CPEB3: variants seen among roughly 807,000 people sequenced by gnomAD.
CPEB3 encodes the protein cytoplasmic polyadenylation element binding protein 3.
A neutral mutation model predicts 67.2 loss-of-function variants in CPEB3; 20 were observed. That is an observed-to-expected ratio of 0.30 (90% CI 0.21 to 0.43). The LOEUF (loss-of-function observed/expected upper bound fraction) is 0.43, where lower values mean the gene tolerates loss of function less well. CPEB3 is among the 20% of genes least tolerant of loss of function. CPEB3 has a pLI of 1.00. For missense variants in CPEB3, 746 were observed against 968.6 expected, an observed-to-expected ratio of 0.77 and a Z score of 3.05; for synonymous variants, 376 against 393.1, an observed-to-expected ratio of 0.96 and a Z score of 0.51.
At chr10:92,102,221 C>G (rs1205639662) in intron 7 of CPEB3, among the ~76,000 whole-genome samples, 1 of 152,160 alleles carries the variant, frequency 6.6e-6, no homozygotes, top group Non-Finnish European at 1.5e-5. Context: ...CTTAGTAAGA[C>G]TATATCCTGG....
intron 2 of CPEB3, among the ~76,000 whole-genome samples, chr10:92,201,295 A>T (rs1849512843): frequency 6.6e-6 from 1 of 152,154 alleles, no homozygotes; most frequent in Non-Finnish European, 1.5e-5. Context: ...TGGGAGGCCG[A>T]GGCGGGCGGA....
chr10:92,206,542 A>G (rs1185840223), intron 2 of CPEB3, among the ~76,000 whole-genome samples: 1 of 151,894 alleles, frequency 6.6e-6, no homozygotes, highest in Non-Finnish European at 1.5e-5. Context: ...CATCCTCTCA[A>G]ATACTAGGAC....
intron 7 of CPEB3, among the ~76,000 whole-genome samples, chr10:92,109,022 T>A (rs1844603821): frequency 6.6e-6 from 1 of 152,238 alleles, no homozygotes. Flanking sequence ...ATATAAACTC[T>A]GCGTGTTCAT....
chr10:92,195,121 C>G lies in CPEB3; in HGVS notation c.1006-2485G>C, dbSNP rs781248411. Among the ~76,000 whole-genome samples, 201 of 150,942 alleles carry G rather than the reference C, an allele frequency of 1.3e-3. 4 individuals are homozygous for G. The highest frequency in any genetic ancestry group is 4.0e-4 in the Non-Finnish European group (27 of 67,840). ...ACTAAGTTAATACTAAAGAACAGAT[C>G]AAGTTTGCTTTGGTTAAGAAAAGCA... is the stretch of plus-strand genomic sequence containing the variant. On this transcript the variant is annotated intron_variant, in intron 2 of 9. Coordinates refer to ENST00000265997, the MANE Select transcript of CPEB3 (RefSeq NM_014912.5).
chr10:92,219,119 G>A (rs928037863), intron 2 of CPEB3, among the ~76,000 whole-genome samples: 7 of 152,018 alleles, frequency 4.6e-5, no homozygotes, highest in Non-Finnish European at 8.8e-5. Context: ...TAAAAGATTC[G>A]GTTTTGAACT....
At chr10:92,108,711 T>C (rs1844588398) in intron 7 of CPEB3, among the ~76,000 whole-genome samples, 2 of 152,150 alleles carry the variant, frequency 1.3e-5, no homozygotes, top group African/African-American at 4.8e-5. Context: ...GCTCAGAAAA[T>C]GAAAACTGTA....
In CPEB3 at chr10:92,224,867, A is replaced by G. The variant is rs1302633465; in HGVS notation, c.1005+14479T>C. 2.7e-5 allele frequency among the ~76,000 whole-genome samples: 4 copies of G among 147,624 alleles called. No individual in the cohort carries two copies. The East Asian group carries it at 7.8e-4, about 29-fold the overall frequency. ...TGACTTCTTAAAAAAAACTATATAT[A>G]TATAACTTTATATATATATAAATTT... On this transcript the variant is annotated intron_variant, in intron 2 of 9. Coordinates refer to ENST00000265997, the MANE Select transcript of CPEB3 (RefSeq NM_014912.5).
intron 2 of CPEB3, among the ~76,000 whole-genome samples, chr10:92,220,535 T>C (rs1027544429): frequency 4.4e-5 from 6 of 137,340 alleles, no homozygotes; most frequent in Admixed American, 7.3e-5. Flanking sequence ...ATGAGCACTA[T>C]GGCAATGAAG....
At chr10:92,261,853 T>C (rs1218824617) in intron 1 of CPEB3, among the ~76,000 whole-genome samples, 2 of 152,190 alleles carry the variant, frequency 1.3e-5, no homozygotes, top group Non-Finnish European at 2.9e-5. Context: ...GGCTCAGATA[T>C]GTTACAAGAC....
chr10:92,274,130 G>A (rs965504143), intron 1 of CPEB3, among the ~76,000 whole-genome samples: 3 of 152,044 alleles, frequency 2.0e-5, no homozygotes, highest in South Asian at 2.1e-4. Context: ...TCCAATGTTC[G>A]ATTTTCTCAT....
chr10:92,135,116 T>A (rs1846029907), intron 6 of CPEB3, among the ~76,000 whole-genome samples: 1 of 152,172 alleles, frequency 6.6e-6, no homozygotes, highest in Non-Finnish European at 1.5e-5. Context: ...AAGGACGTCA[T>A]GACTAAAACA....
chr10:92,072,751 C>T (rs1375756445), intron 9 of CPEB3, among the ~76,000 whole-genome samples: 1 of 152,138 alleles, frequency 6.6e-6, no homozygotes, highest in African/African-American at 2.4e-5. Context: ...GATGTATCCC[C>T]CACTTACATA....
Position 92,239,631 on chromosome 10 carries a change from G to GGACGAGGCC in CPEB3, c.711_719dup (p.Ala238_Ser240dup), listed in dbSNP as rs1564897955. 2 of 1,559,400 alleles carry GGACGAGGCC rather than the reference G, an allele frequency of 1.3e-6. No homozygotes were observed. Among genetic ancestry groups the GGACGAGGCC allele is most frequent in the Non-Finnish European group, 1.7e-6 (2 of 1,152,076 alleles). ...TCACGCTTTGGTGCGTGTTCCAGCT[G>GGACGAGGCC]GACGAGGCCGACGAGGCGGCGGCTG... On this transcript the variant is annotated inframe_insertion, in exon 2 of 10. Coordinates refer to ENST00000265997, the MANE Select transcript of CPEB3 (RefSeq NM_014912.5). This position sits in a 1 kb window ranked among gnomAD's most constrained non-coding sequence, Gnocchi z 6.0.
intron 3 of CPEB3, among the ~76,000 whole-genome samples, chr10:92,182,761 G>A (rs1238846596): frequency 6.6e-6 from 1 of 151,276 alleles, no homozygotes; most frequent in Non-Finnish European, 1.5e-5. Context: ...GGAATGTGGA[G>A]GTTGCAGTGA....
Position 92,143,042 on chromosome 10 carries a change from A to G in CPEB3, c.1440T>C (p.Tyr480=), listed in dbSNP as rs780349029. 3 of 1,613,088 alleles carry G rather than the reference A, an allele frequency of 1.9e-6. No homozygotes were observed. The highest frequency in any genetic ancestry group is 2.2e-5 in the East Asian group (1 of 44,834). The change falls in exon 6 of 10, where the codon TAT becomes TAC. Residue 480 remains tyrosine, a synonymous_variant. Coordinates refer to ENST00000265997, the MANE Select transcript of CPEB3 (RefSeq NM_014912.5). ...TAAGAGCATTACCTTTAGGAGGAAA[A>G]TAAGACTTGCTTTCAGCTTTGTGAG... The part of the protein sequence containing the change: ...DWPHKAESKS[Y]FPPKGYAFLL...
chr10:92,268,873 C>T lies in CPEB3; in HGVS notation c.-12+22053G>A, dbSNP rs142216306. On this transcript the variant is annotated intron_variant, in intron 1 of 9. Transcript: ENST00000265997. ...TAGGTTGAGTTCCTTGGAAACACTA[C>T]GAAACCAAGATTTGCATGCAAGAAA... Among the ~76,000 whole-genome samples the T allele has an allele frequency of 2.8e-4, 42 of 152,118 alleles. No individual in the cohort carries two copies. In the East Asian group the frequency reaches 6.6e-3, roughly 24 times the overall value.
At chr10:92,160,453 G>A (rs1487767830) in intron 4 of CPEB3, among the ~76,000 whole-genome samples, 1 of 152,050 alleles carries the variant, frequency 6.6e-6, no homozygotes, top group East Asian at 1.9e-4. Flanking sequence ...TATATGGATG[G>A]ATTAATATAA....
intron 2 of CPEB3, among the ~76,000 whole-genome samples, chr10:92,202,765 C>A (rs978009380): frequency 6.6e-6 from 1 of 151,258 alleles, no homozygotes; most frequent in Non-Finnish European, 1.5e-5. Context: ...GATTTTTTTT[C>A]TTTTTGGGGT....
chr10:92,169,435 G>C (rs942499140), intron 4 of CPEB3, among the ~76,000 whole-genome samples: 4 of 152,196 alleles, frequency 2.6e-5, no homozygotes, highest in African/African-American at 9.6e-5. Context: ...CACTGCACCT[G>C]ACCTCAAGCA....
Sources: gnomAD v4.1 joint callset for allele counts (sites outside exome capture counted in the v4.1 genomes callset) on GRCh38, gnomAD v4.1.1 for gene constraint, Gnocchi (gnomAD v3.1) non-coding constraint, MANE v1.5 for transcripts, NCBI Gene and HGNC (gene_info 2026-07-23, HGNC 2026-07-21) for gene names.